The following SLC5A12 variants were observed in gnomAD, a reference collection of about 807,000 sequenced individuals.
SLC5A12 encodes solute carrier family 5 member 12.
In SLC5A12, 46 loss-of-function variants were observed where a neutral mutation model predicts 72.7. The observed-to-expected ratio is 0.63, with a 90% CI of 0.50 to 0.81. The LOEUF (loss-of-function observed/expected upper bound fraction) is 0.81, where lower values mean the gene tolerates loss of function less well. Among genes scored for constraint, SLC5A12 ranks in the 30% least tolerant of loss-of-function variants. SLC5A12 has a pLI of 0.00. For missense variants in SLC5A12, 683 were observed against 740.7 expected, an observed-to-expected ratio of 0.92 and a Z score of 0.90; for synonymous variants, 275 against 264.4, an observed-to-expected ratio of 1.04 and a Z score of -0.39.
chr11:26,709,463 T>C (rs1345294361), intron 3 of SLC5A12, 84 bp from the exon 4 acceptor site: 1 of 1,023,594 alleles, frequency 9.8e-7, no homozygotes, highest in East Asian at 2.6e-5. Context: ...GACACAATAT[T>C]TTTATCAGTG....
At position 26,721,893 on chromosome 11, in the gene SLC5A12, G is replaced by A; in HGVS notation, c.-179C>T. The A allele has an allele frequency of 1.7e-6, 1 of 604,408 alleles. No homozygotes were observed. The highest frequency in any genetic ancestry group is 2.2e-5 in the South Asian group (1 of 46,274). The allele number at this position is 604,408 out of a possible 1,614,324, so 37.4% of individuals were successfully genotyped here. A position where few individuals can be genotyped will look rare whatever the true frequency, so the allele number is the denominator to read the frequency against. Reference sequence around the variant, plus strand: ...CAGACACCAACGTGTACTTAGTGAAGATCTCAAAAGTTGACTTCAAAGAAG... The same window carrying A: ...CAGACACCAACGTGTACTTAGTGAAAATCTCAAAAGTTGACTTCAAAGAAG... On this transcript the variant is annotated 5_prime_UTR_variant, in exon 1 of 15. Coordinates refer to ENST00000396005, the MANE Select transcript of SLC5A12 (RefSeq NM_178498.4).
chr11:26,672,416 A>G (rs1226524025), intron 14 of SLC5A12, among the ~76,000 whole-genome samples: 2 of 152,120 alleles, frequency 1.3e-5, no homozygotes, highest in Non-Finnish European at 2.9e-5. Flanking sequence ...CCTGCCCTTA[A>G]TCAAGCTGGG....
In SLC5A12 at chr11:26,669,166, TTTTTCTTTCTTTCTTTCTTC is replaced by T. The variant is rs997868546; in HGVS notation, c.*1916_*1935del. Reference sequence around the variant, plus strand: ...CTGTCTCTCTCTTCCTCTTCCTGTCTTTTTCTTTCTTTCTTTCTTCTTTTCTTTCTTTCTTTCTTTCTTTC... The same window carrying T: ...CTGTCTCTCTCTTCCTCTTCCTGTCTTTTTCTTTCTTTCTTTCTTTCTTTC... On this transcript the variant is annotated 3_prime_UTR_variant, in exon 15 of 15. Transcript: ENST00000396005. The T allele has an allele frequency of 1.5e-5, 2 of 133,478 alleles. No homozygotes were observed. The highest frequency in any genetic ancestry group is 5.4e-5 in the African/African-American group (2 of 37,144). 8.3% of individuals were successfully genotyped at this position (133,478 alleles called of 1,614,324 possible). A position where few individuals can be genotyped will look rare whatever the true frequency, so the allele number is the denominator to read the frequency against.
At chr11:26,680,384 T>A (rs943603002) in intron 12 of SLC5A12, among the ~76,000 whole-genome samples, 2 of 99,020 alleles carry the variant, frequency 2.0e-5, no homozygotes, top group African/African-American at 3.1e-5. Context: ...TATATATATG[T>A]ATATATATTC....
At chr11:26,709,508 T>G in intron 3 of SLC5A12, 129 bp from the exon 4 acceptor site, 2 of 654,164 alleles carry the variant, frequency 3.1e-6, no homozygotes, top group East Asian at 5.5e-5. Flanking sequence ...AAATTAGAGT[T>G]TTCCCTCATT....
intron 6 of SLC5A12, among the ~76,000 whole-genome samples, chr11:26,702,721 G>C (rs932386337): frequency 6.6e-6 from 1 of 152,140 alleles, no homozygotes; most frequent in African/African-American, 2.4e-5. Context: ...ACTGTGGCTT[G>C]CTACATTACC....
intron 1 of SLC5A12, among the ~76,000 whole-genome samples, chr11:26,713,020 T>A (rs1855268604): frequency 6.6e-6 from 1 of 152,138 alleles, no homozygotes; most frequent in African/African-American, 2.4e-5. Context: ...TGTTTCCTTT[T>A]ATATCTTTGC....
chr11:26,686,958 T>C (rs1172362646), intron 9 of SLC5A12, among the ~76,000 whole-genome samples: 2 of 152,240 alleles, frequency 1.3e-5, no homozygotes, highest in Non-Finnish European at 2.9e-5. Flanking sequence ...CAGTAGTTTT[T>C]CATCTTAACA....
chr11:26,667,100 A>C lies in SLC5A12; in HGVS notation c.*4002T>G, dbSNP rs1854012539. 1 of 151,876 alleles carries C rather than the reference A, an allele frequency of 6.6e-6. No homozygotes were observed. The highest frequency in any genetic ancestry group is 1.5e-5 in the Non-Finnish European group (1 of 67,844). The allele number at this position is 151,876 out of a possible 1,614,324, so 9.4% of individuals were successfully genotyped here. On this transcript the variant is annotated 3_prime_UTR_variant, in exon 15 of 15. Transcript: ENST00000396005. ...TGTGTACCATTGATGACATCAATTA[A>C]ATTTTAGTTATTTGAAAATAGGTTA...
chr11:26,707,220 T>C (rs892483017), intron 4 of SLC5A12, among the ~76,000 whole-genome samples: 1 of 152,036 alleles, frequency 6.6e-6, no homozygotes, highest in African/African-American at 2.4e-5. Context: ...CTCTTTCTCC[T>C]TCCTCTGGCT....
chr11:26,686,469 T>A lies in SLC5A12; in HGVS notation c.1221+8A>T, dbSNP rs1397975035. 1 of 1,613,584 alleles carries A rather than the reference T, an allele frequency of 6.2e-7. No individual in the cohort carries two copies. Among genetic ancestry groups the A allele is most frequent in the East Asian group, 2.2e-5 (1 of 44,866 alleles). ...GAAACCAAATGTGTCTTTTCCTTCT[T>A]TCGTTACCTGCACAACACCTCCCAT... On this transcript the variant is annotated splice_region_variant and intron_variant, in intron 10 of 14. Transcript: ENST00000396005.
At chr11:26,717,605 C>T (rs1855380473) in intron 1 of SLC5A12, among the ~76,000 whole-genome samples, 2 of 152,126 alleles carry the variant, frequency 1.3e-5, no homozygotes, top group Admixed American at 6.5e-5. Flanking sequence ...CTTGAAATCC[C>T]ACTGCATATC....
chr11:26,716,891 C>T (rs1307541349), intron 1 of SLC5A12, among the ~76,000 whole-genome samples: 1 of 152,130 alleles, frequency 6.6e-6, no homozygotes, highest in East Asian at 1.9e-4. Flanking sequence ...TAGAGTAATC[C>T]TCTTAACATA....
chr11:26,689,476 G>C (rs1854615414), intron 9 of SLC5A12, among the ~76,000 whole-genome samples: 2 of 152,082 alleles, frequency 1.3e-5, no homozygotes, highest in South Asian at 4.1e-4. Flanking sequence ...CTAATCTATG[G>C]TGGAAAAAAT....
At chr11:26,693,182 C>T (rs370474700) in intron 8 of SLC5A12, among the ~76,000 whole-genome samples, 12 of 152,228 alleles carry the variant, frequency 7.9e-5, no homozygotes, top group African/African-American at 2.9e-4. Flanking sequence ...ATACAGAGAC[C>T]TAAATTGACA....
intron 13 of SLC5A12, among the ~76,000 whole-genome samples, chr11:26,676,803 C>T (rs538143700): frequency 4.6e-4 from 70 of 152,264 alleles, no homozygotes; most frequent in African/African-American, 1.6e-3. Context: ...CCTGGAGTTG[C>T]TAATCAACAC....
chr11:26,705,012 A>T (rs1261013178), intron 4 of SLC5A12, among the ~76,000 whole-genome samples: 1 of 152,062 alleles, frequency 6.6e-6, no homozygotes, highest in Non-Finnish European at 1.5e-5. Context: ...AAAATTTAGG[A>T]TACAATGATT....
chr11:26,704,255 A>G (rs1855033284), intron 4 of SLC5A12, among the ~76,000 whole-genome samples: 1 of 152,160 alleles, frequency 6.6e-6, no homozygotes, highest in Admixed American at 6.6e-5. Flanking sequence ...AGGAGCATAA[A>G]ACAGGGAGCC....
rs10742156 is a variant in SLC5A12 at position 26,712,662 on chromosome 11, C to T, written c.384G>A (p.Thr128=). ...RFNKPVRYAA[T]VIYIVQTILY... is the part of the protein sequence containing the mutation. ...TTACCGTCTGTACAATGTAGATGAC[C>T]GTGGCAGCATAGCGAACTGGTTTGT... Residue 128 remains threonine (T), a synonymous_variant, in exon 2 of 15, where the codon ACG becomes ACA. Coordinates refer to ENST00000396005, the MANE Select transcript of SLC5A12 (RefSeq NM_178498.4). 1,464,313 of 1,586,448 alleles carry T rather than the reference C, an allele frequency of 0.92. 684,223 individuals carry two copies. Among genetic ancestry groups the T allele is most frequent in the Non-Finnish European group, 0.96 (1,111,246 of 1,160,218 alleles).
Sources: gnomAD v4.1 joint callset for allele counts (sites outside exome capture counted in the v4.1 genomes callset) on GRCh38, gnomAD v4.1.1 for gene constraint, MANE v1.5 for transcripts, NCBI Gene and HGNC (gene_info 2026-07-23, HGNC 2026-07-21) for gene names.